LILRB1: variants seen among roughly 807,000 people sequenced by gnomAD.
The protein encoded by LILRB1 is leukocyte immunoglobulin like receptor B1, also known as leukocyte immunoglobulin-like receptor subfamily B member 1.
A neutral mutation model predicts 74.6 loss-of-function variants in LILRB1; 59 were observed. The observed-to-expected ratio is 0.79, with a 90% CI of 0.64 to 0.98. The LOEUF is 0.98. Ranked by LOEUF, LILRB1 falls within the 50% of genes least tolerant of loss-of-function variation. LILRB1 has a pLI of 0.00. For missense variants in LILRB1, 804 were observed against 822.6 expected, an observed-to-expected ratio of 0.98 and a Z score of 0.28; for synonymous variants, 328 against 333.9, an observed-to-expected ratio of 0.98 and a Z score of 0.19.
chr19:54,636,054 G>A (rs1275241779), intron 13 of LILRB1: 32 of 440,958 alleles, frequency 7.3e-5, no homozygotes, highest in Admixed American at 5.9e-4. Flanking sequence ...AAATAAATGT[G>A]CCGCCTCCAG....
upstream of LILRB1, among the ~76,000 whole-genome samples, chr19:54,629,315 A>G (rs764591998): frequency 6.6e-6 from 1 of 152,128 alleles, no homozygotes; most frequent in Admixed American, 6.5e-5. Flanking sequence ...AAACAACTCT[A>G]CTGAGAGATC....
rs1360442028 is a variant in LILRB1 at position 54,631,972 on chromosome 19, C to T, written c.396C>T (p.Ser132=). Residue 132 remains serine (S), a synonymous_variant, in exon 5 of 15, where the codon AGC becomes AGT. Coordinates refer to ENST00000324602, the MANE Select transcript of LILRB1 (RefSeq NM_001081637.3). ...YIKPTLSAQP[S]PVVNSGGNVT... is the part of the protein sequence containing the mutation. Reference sequence around the variant, plus strand: ...AACCCACCCTCTCAGCCCAGCCCAGCCCCGTGGTGAACTCAGGAGGGAATG... The same window carrying T: ...AACCCACCCTCTCAGCCCAGCCCAGTCCCGTGGTGAACTCAGGAGGGAATG... 2 of 1,614,014 alleles carry T rather than the reference C, an allele frequency of 1.2e-6. No homozygotes were observed. Among genetic ancestry groups the T allele is most frequent in the African/African-American group, 1.3e-5 (1 of 74,956 alleles).
At chr19:54,630,006 T>C (rs1055902837), upstream of LILRB1, among the ~76,000 whole-genome samples, 1 of 151,836 alleles carries the variant, frequency 6.6e-6, no homozygotes, top group Non-Finnish European at 1.5e-5. Context: ...AAGATCCTCT[T>C]ATGTCCCAAA....
chr19:54,617,846 A>T (rs1280286132), intron 1 of LILRB1, among the ~76,000 whole-genome samples: 1 of 152,206 alleles, frequency 6.6e-6, no homozygotes, highest in African/African-American at 2.4e-5. Context: ...TCACACTTGT[A>T]TTCCCAGCAC....
chr19:54,633,780 C>G (rs562180009), intron 8 of LILRB1, 92 bp downstream of exon 8: 18 of 1,492,798 alleles, frequency 1.2e-5, no homozygotes, highest in Middle Eastern at 1.7e-4. Context: ...CTCAAAGACT[C>G]GAGCTTCCCT....
chr19:54,617,305 G>A (rs1483728580), exon 1 of LILRB1: 1 of 152,208 alleles, frequency 6.6e-6, no homozygotes, highest in Non-Finnish European at 1.5e-5. Flanking sequence ...TCTGGAGTTT[G>A]TGTAAAACAA....
chr19:54,617,553 C>CTGTGTG (rs55635122), intron 1 of LILRB1, among the ~76,000 whole-genome samples: 22,538 of 143,070 alleles, frequency 0.16, 1,946 homozygotes, highest in Non-Finnish European at 0.2. Flanking sequence ...TACAGGATGT[C>CTGTGTG]TGTGTGTGTG....
At chr19:54,617,511 A>C (rs998002462) in intron 1 of LILRB1, among the ~76,000 whole-genome samples, 4 of 151,278 alleles carry the variant, frequency 2.6e-5, no homozygotes, top group Non-Finnish European at 5.9e-5. Flanking sequence ...ATTTATATTA[A>C]TATCTCATGG....
In LILRB1 at chr19:54,636,926, G is replaced by T. The variant is rs756072447; in HGVS notation, c.*48G>T. The T allele has an allele frequency of 6.2e-7, 1 of 1,610,566 alleles. No homozygotes were observed. Among genetic ancestry groups the T allele is most frequent in the Non-Finnish European group, 8.5e-7 (1 of 1,177,776 alleles). ...ACACTCCATGGAGTCTGGAATGCAT[G>T]GGAGCTGCCCCCCCAGTGGACACCA... On this transcript the variant is annotated 3_prime_UTR_variant, in exon 15 of 15. Coordinates refer to ENST00000324602, the MANE Select transcript of LILRB1 (RefSeq NM_001081637.3).
At chr19:54,634,896 G>A in intron 10 of LILRB1, 133 bp downstream of exon 10, 1 of 1,508,428 alleles carries the variant, frequency 6.6e-7, no homozygotes, top group South Asian at 1.3e-5. Context: ...CCAATCGACA[G>A]TCAGTCCCAT....
intron 1 of LILRB1, among the ~76,000 whole-genome samples, chr19:54,623,358 G>A (rs1223955028): frequency 6.6e-6 from 1 of 152,106 alleles, no homozygotes; most frequent in African/African-American, 2.4e-5. Context: ...GGTCTGTTTA[G>A]GGTTTCTATT....
rs745453177 is a variant in LILRB1 at position 54,633,252 on chromosome 19, G to T, written c.1195G>T (p.Gly399Cys). The T allele has an allele frequency of 4.3e-6, 7 of 1,613,716 alleles. No individual in the cohort carries two copies. In the African/African-American group the frequency reaches 8.0e-5, roughly 18 times the overall value. The stretch of plus-strand genomic sequence containing the variant: ...CCATGCGGGGACCTACAGGTGCTAC[G>T]GCTCACAGAGCTCCAAACCCTACCT... ...SAHAGTYRCY[G>C]SQSSKPYLLT... Residue 399 changes from glycine to cysteine, a missense_variant, in exon 7 of 15, where the codon GGC (glycine) becomes TGC (cysteine). Physicochemically the swap from Gly to Cys is radical, Grantham distance 159. Coordinates refer to ENST00000324602, the MANE Select transcript of LILRB1 (RefSeq NM_001081637.3).
At chr19:54,627,332 A>C (rs1195009348), upstream of LILRB1, among the ~76,000 whole-genome samples, 1 of 152,190 alleles carries the variant, frequency 6.6e-6, no homozygotes, top group East Asian at 1.9e-4. Context: ...TTCGTAACCC[A>C]ATCCCTTCAC....
In LILRB1 at chr19:54,634,047, G is replaced by A. The variant is rs371115444; in HGVS notation, c.1363+26G>A. On this transcript the variant is annotated intron_variant, in intron 9 of 14. Transcript: ENST00000324602. Reference sequence around the variant, plus strand: ...GTGAGTGACGGGCTCTGAGTGGGAGGTGGGCAGGGTCCAGGGGAGGCAGGG... The same window carrying A: ...GTGAGTGACGGGCTCTGAGTGGGAGATGGGCAGGGTCCAGGGGAGGCAGGG... 411 of 1,575,822 alleles carry A rather than the reference G, an allele frequency of 2.6e-4. 2 individuals are homozygous for A. Among genetic ancestry groups the A allele is most frequent in the Non-Finnish European group, 3.4e-4 (389 of 1,159,598 alleles).
intron 1 of LILRB1, among the ~76,000 whole-genome samples, chr19:54,623,286 CT>C (rs1176321629): frequency 6.6e-6 from 1 of 152,192 alleles, no homozygotes; most frequent in Non-Finnish European, 1.5e-5. Flanking sequence ...GTGAATCCAT[CT>C]GTTCTTGGGC....
intron 7 of LILRB1, 97 bp from the exon 8 acceptor site, chr19:54,633,541 C>T: frequency 7.7e-7 from 1 of 1,292,212 alleles, no homozygotes; most frequent in Non-Finnish European, 1.1e-6. Flanking sequence ...AGGGAGGGGC[C>T]TGGGGAGGCC....
rs780713215 is a variant in LILRB1, at chr19:54,634,744, G to C, written c.1467G>C (p.Gln489His). The change falls in exon 10 of 15, where the codon CAG (glutamine) becomes CAC (histidine). Residue 489 changes from glutamine (Q) to histidine (H), a missense_variant. Gln to His is a conservative substitution (Grantham distance 24). Transcript: ENST00000324602. ...LLFLILRHRRQGKHWTSTQRK... is the reference protein window; with the variant it reads ...LLFLILRHRRHGKHWTSTQRK... The stretch of plus-strand genomic sequence containing the variant: ...TCCTCATCCTCCGACATCGACGTCA[G>C]GGCAAACACTGGACATCGAGTGAGT... The C allele has an allele frequency of 4.3e-6, 7 of 1,613,984 alleles. No individual in the cohort carries two copies. Among genetic ancestry groups the C allele is most frequent in the Non-Finnish European group, 5.9e-6 (7 of 1,179,946 alleles).
upstream of LILRB1, among the ~76,000 whole-genome samples, chr19:54,627,413 G>A (rs570827466): frequency 1.5e-3 from 226 of 152,204 alleles, 1 homozygote; most frequent in African/African-American, 5.3e-3. Context: ...ACCCCACAGG[G>A]CCAGGAAGGC....
intron 7 of LILRB1, 74 bp from the exon 8 acceptor site, chr19:54,633,564 T>A (rs2064109422): frequency 1.4e-6 from 2 of 1,415,284 alleles, no homozygotes; most frequent in South Asian, 2.6e-5. Flanking sequence ...AGGTCCCATG[T>A]AGAGAAATTT....
Sources: gnomAD v4.1 joint callset for allele counts (sites outside exome capture counted in the v4.1 genomes callset) on GRCh38, gnomAD v4.1.1 for gene constraint, MANE v1.5 for transcripts, NCBI Gene and HGNC (gene_info 2026-07-23, HGNC 2026-07-21) for gene names.